Variants in SEC31B observed in about 807,000 individuals in gnomAD.
The protein encoded by SEC31B is protein transport protein Sec31B.
In SEC31B, 113 loss-of-function variants were observed where a neutral mutation model predicts 135.0. The ratio of observed to expected loss-of-function variants is 0.84; its 90% CI spans 0.72 to 0.98. The LOEUF is 0.98. SEC31B is among the 50% of genes least tolerant of loss of function. The pLI is 0.00. For synonymous variants in SEC31B, 508 were observed against 549.4 expected, an observed-to-expected ratio of 0.92 and a Z score of 1.05; for missense variants, 1,296 against 1,421.1, an observed-to-expected ratio of 0.91 and a Z score of 1.42.
At chr10:100,517,059 C>A in intron 1 of SEC31B, 62 bp from the exon 2 acceptor site, 1 of 782,536 alleles carries the variant, frequency 1.3e-6, no homozygotes, top group South Asian at 1.5e-5. Context: ...GACAAGAGTT[C>A]TTGTTTGTCT....
intron 20 of SEC31B, 135 bp downstream of exon 20, chr10:100,490,571 T>C: frequency 1.0e-6 from 1 of 968,208 alleles, no homozygotes; most frequent in Non-Finnish European, 1.5e-6. Context: ...GTGATAGCAT[T>C]AGGAATTCAG....
At chr10:100,487,997 G>A in intron 25 of SEC31B, 30 bp downstream of exon 25, 1 of 1,603,234 alleles carries the variant, frequency 6.2e-7, no homozygotes, top group Non-Finnish European at 8.5e-7. Context: ...AAGTGTAGGA[G>A]GCAGTGGGAG....
rs994223730 is a variant in SEC31B at position 100,496,289 on chromosome 10, GC to G, written c.2278del (p.Ala760ProfsTer2). 6 of 1,614,060 alleles carry G rather than the reference GC, an allele frequency of 3.7e-6. No homozygotes were observed. Among genetic ancestry groups the G allele is most frequent in the African/African-American group, 1.3e-5 (1 of 74,932 alleles). On this transcript the variant is annotated frameshift_variant, in exon 18 of 26. Transcript: ENST00000370345. LOFTEE classifies it high-confidence loss of function. The part of the protein sequence containing the change: ...LLAAQGSLAT[A>X]MSFLPRDCAQ... The stretch of plus-strand genomic sequence containing the variant: ...ACAGTCCCTGGGTAGAAAGCTCATG[GC>G]AGTGGCCAGGCTGCCCTGGGCTGCC...
chr10:100,516,780 A>G, intron 2 of SEC31B, 94 bp downstream of exon 2: 1 of 962,018 alleles, frequency 1.0e-6, no homozygotes, highest in South Asian at 1.5e-5. Context: ...ATGATCTGAG[A>G]GCTTTCTCTG....
rs1253581726 is a variant in SEC31B at position 100,502,363 on chromosome 10, G to C, written c.1301C>G (p.Ser434Ter). Residue 434 changes from serine (S) to a stop codon, truncating the protein, a stop_gained, in exon 11 of 26, where the codon TCA (serine) becomes TGA (stop). Coordinates refer to ENST00000370345, the MANE Select transcript of SEC31B (RefSeq NM_015490.4). LOFTEE classifies it high-confidence loss of function. ...VTTESEFLMR[S>*]AELQEALGSG... ...TCCCAAGGCCTCCTGCAGCTCAGCT[G>C]ATCGCATCAGGAATTCAGATTCTGT... is the stretch of plus-strand genomic sequence containing the variant. 2 of 1,614,046 alleles carry C rather than the reference G, an allele frequency of 1.2e-6. No homozygotes were observed. Among genetic ancestry groups the C allele is most frequent in the Admixed American group, 3.3e-5 (2 of 60,004 alleles).
intron 17 of SEC31B, among the ~76,000 whole-genome samples, chr10:100,496,813 C>T (rs139922218): frequency 2.0e-5 from 3 of 152,354 alleles, no homozygotes; most frequent in Admixed American, 6.5e-5. Context: ...ACCCACAGAA[C>T]ACCTGGAAGT....
rs767672625 is a variant in SEC31B at position 100,509,439 on chromosome 10, C to T, written c.276G>A (p.Gly92=). 2.5e-6 allele frequency: 4 copies of T among 1,614,096 alleles called. No homozygotes were observed. Among genetic ancestry groups the T allele is most frequent in the Non-Finnish European group, 3.4e-6 (4 of 1,180,010 alleles). The change falls in exon 4 of 26, where the codon GGG becomes GGA. Residue 92 remains glycine, a synonymous_variant. Transcript: ENST00000370345. ...TGTATAGAATAAGCATGCCATTGTC[C>T]CCGCCGCCAACAATAACCCCGGAGC... The part of the protein sequence containing the change: ...LESSGVIVGG[G]DNGMLILYNV...
chr10:100,486,927 C>G lies in SEC31B; in HGVS notation c.*689G>C, dbSNP rs1395277510. ...CCCCATAGGCTGTGGTTCCCCTGCT[C>G]CTGTCTCACAGCCTAAGACAGCTTC... is the stretch of plus-strand genomic sequence containing the variant. On this transcript the variant is annotated 3_prime_UTR_variant, in exon 26 of 26. Transcript: ENST00000370345. The G allele has an allele frequency of 6.6e-6, 1 of 152,402 alleles. No homozygotes were observed. Among genetic ancestry groups the G allele is most frequent in the Non-Finnish European group, 1.5e-5 (1 of 68,184 alleles). 9.4% of individuals were successfully genotyped at this position (152,402 alleles called of 1,614,324 possible).
intron 23 of SEC31B, 88 bp downstream of exon 23, chr10:100,489,164 C>G (rs1851249541): frequency 6.8e-7 from 1 of 1,480,634 alleles, no homozygotes; most frequent in South Asian, 1.4e-5. Flanking sequence ...CAGCACATGC[C>G]TTGAGGAATG....
In SEC31B at chr10:100,490,132, G is replaced by A. The variant is rs75790220; in HGVS notation, c.2841C>T (p.Pro947=). 1,322 of 1,593,142 alleles carry A rather than the reference G, an allele frequency of 8.3e-4. 9 individuals carry two copies. In the African/African-American group the frequency reaches 0.015, roughly 18 times the overall value. The part of the protein sequence containing the change: ...FPLLPLRPLG[P]GRMVSHTPAP... ...CTGGGGTGTGGGAGACCATGCGGCC[G>A]GGACCTAGTGGTCTCAGAGGAAGCA... The change falls in exon 21 of 26, where the codon CCC becomes CCT. Residue 947 remains proline (P), a synonymous_variant. Transcript: ENST00000370345.
At chr10:100,511,510 C>T (rs184569881) in intron 3 of SEC31B, among the ~76,000 whole-genome samples, 247 of 152,294 alleles carry the variant, frequency 1.6e-3, no homozygotes, top group African/African-American at 5.5e-3. Flanking sequence ...TGGCTCACAC[C>T]TATAATCCCA....
rs768801492 is a variant in SEC31B at position 100,507,969 on chromosome 10, G to A, written c.578C>T (p.Ala193Val). The change falls in exon 6 of 26, where the codon GCA becomes GTA. Residue 193 changes from alanine (A) to valine (V), a missense_variant. Physicochemically the swap from Ala to Val is moderately conservative, Grantham distance 64. Coordinates refer to ENST00000370345, the MANE Select transcript of SEC31B (RefSeq NM_015490.4). Reference sequence around the variant, plus strand: ...ATTCTTCCTGAGATCCCACACAACTGCCTTGCCACTGGGGTGAGCAGAAGA... The same window carrying A: ...ATTCTTCCTGAGATCCCACACAACTACCTTGCCACTGGGGTGAGCAGAAGA... ...ILSSAHPSGK[A>V]VVWDLRKNEP... 1.2e-6 allele frequency: 2 copies of A among 1,614,248 alleles called. No homozygotes were observed. Among genetic ancestry groups the A allele is most frequent in the Non-Finnish European group, 1.7e-6 (2 of 1,180,038 alleles).
intron 3 of SEC31B, among the ~76,000 whole-genome samples, chr10:100,510,361 C>T (rs892754980): frequency 6.6e-6 from 1 of 152,256 alleles, no homozygotes. Context: ...AAAGGATACA[C>T]TCCCACTCAG....
At chr10:100,488,184 GCATGGT>G (rs1421260265) in intron 24 of SEC31B, 86 bp from the exon 25 acceptor site, 1 of 1,264,230 alleles carries the variant, frequency 7.9e-7, no homozygotes, top group Non-Finnish European at 1.1e-6. Context: ...ATTAGGCCGG[GCATGGT>G]GGCTCACGCC....
At chr10:100,506,812 C>T (rs903859220) in intron 7 of SEC31B, among the ~76,000 whole-genome samples, 3 of 152,102 alleles carry the variant, frequency 2.0e-5, no homozygotes, top group African/African-American at 7.2e-5. Context: ...CTAAAGTCCC[C>T]AAGGAGGCCA....
At position 100,488,207 on chromosome 10, in the gene SEC31B, C is replaced by A; in HGVS notation, c.3289-109G>T. On this transcript the variant is annotated intron_variant, in intron 24 of 25. Transcript: ENST00000370345. ...GGGCATGGTGGCTCACGCCTGTAAT[C>A]CCAGCACCTTGGGAGGCCAAGGCGG... is the stretch of plus-strand genomic sequence containing the variant. 4.0e-6 allele frequency: 4 copies of A among 994,042 alleles called. No individual in the cohort carries two copies. In the Admixed American group the frequency reaches 7.7e-5, roughly 19 times the overall value. 61.6% of individuals were successfully genotyped at this position (994,042 alleles called of 1,614,324 possible).
At chr10:100,509,748 G>A (rs981652630) in intron 3 of SEC31B, among the ~76,000 whole-genome samples, 3 of 152,164 alleles carry the variant, frequency 2.0e-5, no homozygotes, top group Admixed American at 1.3e-4. Flanking sequence ...CCTCTGAGTT[G>A]TGTGGAGGTG....
At chr10:100,489,508 GA>G (rs756763817) in intron 22 of SEC31B, 110 bp from the exon 23 acceptor site, 67 of 1,423,310 alleles carry the variant, frequency 4.7e-5, no homozygotes, top group Non-Finnish European at 6.0e-5. Context: ...GTGAGTGTGG[GA>G]AACTGGGAAG....
chr10:100,511,701 C>A (rs1851740408), intron 3 of SEC31B, among the ~76,000 whole-genome samples: 1 of 151,978 alleles, frequency 6.6e-6, no homozygotes, highest in African/African-American at 2.4e-5. Context: ...TAGTAAGATT[C>A]TTTTCAAAAA....
Sources: gnomAD v4.1 joint callset for allele counts (sites outside exome capture counted in the v4.1 genomes callset) on GRCh38, gnomAD v4.1.1 for gene constraint, MANE v1.5 for transcripts, NCBI Gene and HGNC (gene_info 2026-07-23, HGNC 2026-07-21) for gene names.